FIP1L1: variants seen among roughly 807,000 people sequenced by gnomAD.
FIP1L1 encodes the protein pre-mRNA 3'-end-processing factor FIP1.
Under a neutral mutation model 84.6 loss-of-function variants are expected in FIP1L1, and 21 were observed. The ratio of observed to expected loss-of-function variants is 0.25; its 90% CI spans 0.18 to 0.36. The LOEUF (loss-of-function observed/expected upper bound fraction) is 0.36. Ranked by LOEUF, FIP1L1 falls within the 10% of genes least tolerant of loss-of-function variation. The pLI, the probability that FIP1L1 is intolerant of heterozygous loss-of-function variation, is 1.00. For missense variants in FIP1L1, 526 were observed against 751.1 expected, an observed-to-expected ratio of 0.70 and a Z score of 3.50; for synonymous variants, 263 against 242.3, an observed-to-expected ratio of 1.09 and a Z score of -0.80.
At chr4:53,410,788 C>CTCTTT (rs1420770492) in intron 10 of FIP1L1, among the ~76,000 whole-genome samples, 1 of 152,090 alleles carries the variant, frequency 6.6e-6, no homozygotes, top group Non-Finnish European at 1.5e-5. Flanking sequence ...CCTAATTGTT[C>CTCTTT]TCTTTTATTA....
intron 15 of FIP1L1, among the ~76,000 whole-genome samples, chr4:53,449,530 G>A (rs930461952): frequency 6.6e-6 from 1 of 151,860 alleles, no homozygotes; most frequent in Non-Finnish European, 1.5e-5. Context: ...TAATTATTTA[G>A]GATTTTGACA....
In FIP1L1 at chr4:53,459,496, A is replaced by G; in HGVS notation, c.*47A>G. ...TATATTAGTACCAGAAGTAGATACT[A>G]TAAATCTTGTTATTTTTCTGGATAA... On this transcript the variant is annotated 3_prime_UTR_variant, in exon 18 of 18. Coordinates refer to ENST00000337488, the MANE Select transcript of FIP1L1 (RefSeq NM_030917.4). The G allele has an allele frequency of 1.9e-6, 3 of 1,610,006 alleles. No homozygotes were observed. The highest frequency in any genetic ancestry group is 1.7e-5 in the Admixed American group (1 of 59,710).
chr4:53,406,357 G>C (rs1296301413), intron 10 of FIP1L1, among the ~76,000 whole-genome samples: 1 of 152,168 alleles, frequency 6.6e-6, no homozygotes, highest in African/African-American at 2.4e-5. Flanking sequence ...CAGGGATGAA[G>C]CCCACTTGAT....
chr4:53,411,852 C>T (rs553049433), intron 10 of FIP1L1, among the ~76,000 whole-genome samples: 25 of 151,906 alleles, frequency 1.6e-4, no homozygotes, highest in Non-Finnish European at 3.5e-4. Context: ...AATCTTTAAA[C>T]GTTAGCATCT....
At chr4:53,438,709 C>T (rs1770587465) in intron 13 of FIP1L1, among the ~76,000 whole-genome samples, 1 of 152,154 alleles carries the variant, frequency 6.6e-6, no homozygotes, top group Non-Finnish European at 1.5e-5. Flanking sequence ...TAAAGGCAGA[C>T]AGTAATTTTA....
intron 11 of FIP1L1, among the ~76,000 whole-genome samples, chr4:53,416,730 C>T (rs912267153): frequency 5.9e-5 from 9 of 151,982 alleles, no homozygotes; most frequent in African/African-American, 1.7e-4. Flanking sequence ...TTTGGGAGAC[C>T]GAGGCAGGTG....
intron 10 of FIP1L1, among the ~76,000 whole-genome samples, chr4:53,400,982 T>G (rs983503277): frequency 2.0e-5 from 3 of 152,230 alleles, no homozygotes; most frequent in Non-Finnish European, 2.9e-5. Context: ...CAGCTTGGAC[T>G]CTGGAGTCAG....
At chr4:53,447,048 A>C (rs1774506581) in intron 15 of FIP1L1, among the ~76,000 whole-genome samples, 1 of 152,132 alleles carries the variant, frequency 6.6e-6, no homozygotes, top group African/African-American at 2.4e-5. Flanking sequence ...GAAGTTTCCT[A>C]GTAAAACAAG....
intron 15 of FIP1L1, among the ~76,000 whole-genome samples, chr4:53,448,600 G>C (rs1775154807): frequency 6.6e-6 from 1 of 152,070 alleles, no homozygotes; most frequent in African/African-American, 2.4e-5. Context: ...TATAGATGAG[G>C]AAATCAAAAT....
At chr4:53,400,424 A>G (rs1360799643) in intron 10 of FIP1L1, among the ~76,000 whole-genome samples, 1 of 152,168 alleles carries the variant, frequency 6.6e-6, no homozygotes, top group Non-Finnish European at 1.5e-5. Context: ...ATTACCAGGA[A>G]ACTGGTAAAG....
chr4:53,418,527 T>C (rs1760826075), intron 11 of FIP1L1, among the ~76,000 whole-genome samples: 1 of 152,214 alleles, frequency 6.6e-6, no homozygotes, highest in Admixed American at 6.5e-5. Flanking sequence ...CTTGTGAAAC[T>C]AATTAGAAGA....
intron 10 of FIP1L1, among the ~76,000 whole-genome samples, chr4:53,412,031 T>C (rs1757465725): frequency 6.6e-6 from 1 of 152,050 alleles, no homozygotes; most frequent in East Asian, 1.9e-4. Flanking sequence ...GTTGTTGTCA[T>C]TGAAAAAAAT....
At chr4:53,445,389 T>C (rs1396066123) in intron 15 of FIP1L1, among the ~76,000 whole-genome samples, 1 of 152,168 alleles carries the variant, frequency 6.6e-6, no homozygotes, top group Non-Finnish European at 1.5e-5. Flanking sequence ...CTCTTCCTAG[T>C]TCTTAGGATG....
At chr4:53,459,229 AGAGT>A in intron 17 of FIP1L1, 69 bp from the exon 18 acceptor site, 7 of 1,048,442 alleles carry the variant, frequency 6.7e-6, no homozygotes, top group Non-Finnish European at 9.7e-6. Context: ...GAATTTCCTT[AGAGT>A]GATTGGATTT....
chr4:53,451,684 A>C (rs1716056699), intron 15 of FIP1L1, among the ~76,000 whole-genome samples: 2 of 151,564 alleles, frequency 1.3e-5, no homozygotes. Flanking sequence ...ACTTTAGAAT[A>C]ATCTTTCTCT....
Position 53,402,051 on chromosome 4 carries a change from A to G in FIP1L1, c.815+2212A>G, listed in dbSNP as rs185132882. Among the ~76,000 whole-genome samples, 4 of 152,292 alleles carry G rather than the reference A, an allele frequency of 2.6e-5. No homozygotes were observed. The East Asian group carries it at 5.8e-4, about 22-fold the overall frequency. Reference sequence around the variant, plus strand: ...AGGAGACCATTAATAAGGAGGAATGATGAATGAAGTAGGAAAAAAACCCAC... The same window carrying G: ...AGGAGACCATTAATAAGGAGGAATGGTGAATGAAGTAGGAAAAAAACCCAC... On this transcript the variant is annotated intron_variant, in intron 10 of 17. Coordinates refer to ENST00000337488, the MANE Select transcript of FIP1L1 (RefSeq NM_030917.4).
chr4:53,409,930 C>T (rs1756227363), intron 10 of FIP1L1, among the ~76,000 whole-genome samples: 1 of 152,224 alleles, frequency 6.6e-6, no homozygotes, highest in South Asian at 2.1e-4. Context: ...ACTCCCTGAC[C>T]CCTTGCGCTT....
rs1721837650 is a variant in FIP1L1, at chr4:53,460,685, A to C, written c.*1236A>C. The C allele has an allele frequency of 2.1e-6, 1 of 475,700 alleles. No individual in the cohort carries two copies. The highest frequency in any genetic ancestry group is 3.6e-6 in the Non-Finnish European group (1 of 274,180). The allele number at this position is 475,700 out of a possible 1,614,324, so 29.5% of individuals were successfully genotyped here. A position where few individuals can be genotyped will look rare whatever the true frequency, so the allele number is the denominator to read the frequency against. On this transcript the variant is annotated 3_prime_UTR_variant, in exon 18 of 18. Transcript: ENST00000337488. ...AGAAAAAATATAAACAATGTTGTAG[A>C]GTAATGAGAAATCCTCCACACTGAA...
chr4:53,402,960 C>T (rs1015758532), intron 10 of FIP1L1, among the ~76,000 whole-genome samples: 10 of 152,152 alleles, frequency 6.6e-5, no homozygotes, highest in Non-Finnish European at 1.5e-5. Flanking sequence ...TGAAAGTTCT[C>T]TTCTGATTGC....
Sources: gnomAD v4.1 joint callset for allele counts (sites outside exome capture counted in the v4.1 genomes callset) on GRCh38, gnomAD v4.1.1 for gene constraint, MANE v1.5 for transcripts, NCBI Gene and HGNC (gene_info 2026-07-23, HGNC 2026-07-21) for gene names.